The following TANC2 variants were observed in gnomAD, a reference collection of about 807,000 sequenced individuals.
TANC2 encodes the protein tetratricopeptide repeat, ankyrin repeat and coiled-coil containing 2.
In TANC2, 26 loss-of-function variants were observed where a neutral mutation model predicts 210.5. The observed-to-expected ratio is 0.12, with a 90% CI of 0.09 to 0.17. The LOEUF (loss-of-function observed/expected upper bound fraction) is 0.17. TANC2 is among the 10% of genes least tolerant of loss of function. TANC2 has a pLI of 1.00. For missense variants in TANC2, 2,129 were observed against 2,608.9 expected, an observed-to-expected ratio of 0.82 and a Z score of 4.01; for synonymous variants, 931 against 967.1, an observed-to-expected ratio of 0.96 and a Z score of 0.69.
chr17:63,175,073 G>C (rs1355460414), intron 5 of TANC2, among the ~76,000 whole-genome samples: 2 of 151,960 alleles, frequency 1.3e-5, no homozygotes, highest in Non-Finnish European at 2.9e-5. Context: ...ATAATCCAAA[G>C]AAAAAAACTA....
chr17:63,423,052 C>G (rs1291337106), exon 28 of TANC2: 2 of 152,220 alleles, frequency 1.3e-5, no homozygotes, highest in East Asian at 3.8e-4. Flanking sequence ...AGATTGGAAT[C>G]TCTTGGGACC....
At chr17:63,030,530 C>T (rs189981533) in intron 2 of TANC2, among the ~76,000 whole-genome samples, 18 of 152,076 alleles carry the variant, frequency 1.2e-4, no homozygotes, top group South Asian at 6.2e-4. Context: ...CAACTAATCC[C>T]TTCTTGGGTC....
chr17:63,175,255 C>T (rs1277406668), intron 5 of TANC2, among the ~76,000 whole-genome samples: 7 of 151,846 alleles, frequency 4.6e-5, no homozygotes, highest in Non-Finnish European at 1.0e-4. Flanking sequence ...GGACATTGAC[C>T]CTTACCTCAT....
intron 3 of TANC2, among the ~76,000 whole-genome samples, chr17:63,075,341 T>C (rs1548762): frequency 1.5e-3 from 236 of 152,320 alleles, no homozygotes; most frequent in Middle Eastern, 0.01. Flanking sequence ...ATGAGCGTAA[T>C]TGAATTTTAT....
chr17:63,217,718 A>G (rs1398351056), intron 7 of TANC2, among the ~76,000 whole-genome samples: 1 of 152,248 alleles, frequency 6.6e-6, no homozygotes, highest in Non-Finnish European at 1.5e-5. Context: ...AGGAACAACT[A>G]GGAGGCCAAT....
At chr17:63,422,292 T>C (rs555049945) in exon 28 of TANC2, 1 of 223,350 alleles carries the variant, frequency 4.5e-6, no homozygotes, top group Admixed American at 5.1e-5. Context: ...CTGATGTTCT[T>C]GTTGTGTAAT....
intron 12 of TANC2, among the ~76,000 whole-genome samples, chr17:63,349,182 A>T (rs1242336892): frequency 1.3e-5 from 2 of 152,108 alleles, no homozygotes; most frequent in Non-Finnish European, 2.9e-5. Flanking sequence ...GAAGGCAAGT[A>T]CCCCCTTTTA....
chr17:62,988,833 G>A (rs1248981988), intron 1 of TANC2, among the ~76,000 whole-genome samples: 3 of 152,152 alleles, frequency 2.0e-5, no homozygotes, highest in African/African-American at 7.2e-5. Flanking sequence ...AGTACTAGCT[G>A]CAGTTTTTCA....
At chr17:63,137,748 T>C (rs2039140678) in intron 4 of TANC2, among the ~76,000 whole-genome samples, 1 of 152,182 alleles carries the variant, frequency 6.6e-6, no homozygotes, top group Non-Finnish European at 1.5e-5. Flanking sequence ...ATTCTAGGCA[T>C]TGTAATATAA....
chr17:63,377,089 A>C (rs533256678), intron 14 of TANC2, among the ~76,000 whole-genome samples: 6 of 152,206 alleles, frequency 3.9e-5, no homozygotes, highest in Non-Finnish European at 5.9e-5. Flanking sequence ...GCAAGATACA[A>C]AGTCTGGAGA....
Position 63,156,852 on chromosome 17 carries a change from C to T in TANC2, c.433+5472C>T, listed in dbSNP as rs1351441718. 3.9e-5 allele frequency among the ~76,000 whole-genome samples: 6 copies of T among 152,174 alleles called. No individual in the cohort carries two copies. The East Asian group carries it at 1.2e-3, about 29-fold the overall frequency. ...GGGACTACAGACTCATGCCACCACA[C>T]CTGTTTAATTTTTATTTTTGTAGAG... On this transcript the variant is annotated intron_variant, in intron 5 of 27. Coordinates refer to ENST00000689528, the Ensembl canonical transcript of TANC2.
In TANC2 at chr17:63,354,812, G is replaced by A. The variant is rs373471160; in HGVS notation, c.2004G>A (p.Arg668=). Reference sequence around the variant, plus strand: ...TTACCAAGCTGCTGCCTTTCCATAGGATTTTTTTGGATCGACTAGAAGAGA... The same window carrying A: ...TTACCAAGCTGCTGCCTTTCCATAGAATTTTTTTGGATCGACTAGAAGAGA... Residue 668 remains arginine (R), a synonymous_variant, in exon 14 of 28, where the codon AGG becomes AGA. Transcript: ENST00000689528. The A allele has an allele frequency of 5.1e-5, 80 of 1,579,870 alleles. 1 individual carries two copies. Among genetic ancestry groups the A allele is most frequent in the Admixed American group, 4.9e-4 (25 of 51,106 alleles).
chr17:63,135,260 A>C (rs1441759267), intron 4 of TANC2, among the ~76,000 whole-genome samples: 1 of 152,218 alleles, frequency 6.6e-6, no homozygotes, highest in Admixed American at 6.5e-5. Context: ...ATCTTGCCTC[A>C]TACCTTACAG....
At chr17:63,149,131 G>A (rs765655351) in intron 4 of TANC2, 1 of 152,116 alleles carries the variant, frequency 6.6e-6, no homozygotes, top group Non-Finnish European at 1.5e-5. Context: ...AAAGAAGTTG[G>A]TATACATCGA....
chr17:62,996,766 T>C (rs986762883), intron 1 of TANC2, among the ~76,000 whole-genome samples: 6 of 151,882 alleles, frequency 4.0e-5, no homozygotes, highest in Non-Finnish European at 8.8e-5. Context: ...TTGTATTTTT[T>C]AGAGCCTCTC....
Position 63,108,136 on chromosome 17 carries a change from G to A in TANC2, c.322+8779G>A, listed in dbSNP as rs55910441. 1.4e-3 allele frequency among the ~76,000 whole-genome samples: 218 copies of A among 151,802 alleles called. 11 individuals are homozygous for A. The highest frequency in any genetic ancestry group is 5.0e-3 in the African/African-American group (205 of 41,124). ...TATAAATAACTCCCACAAGCTTAGC[G>A]TTCCAATAGTGGAACACTAGGCATA... On this transcript the variant is annotated intron_variant, in intron 4 of 27. Coordinates refer to ENST00000689528, the Ensembl canonical transcript of TANC2.
In TANC2 at chr17:63,095,804, G is replaced by GT. The variant is rs1401245301; in HGVS notation, c.140-3365dup. On this transcript the variant is annotated intron_variant, in intron 3 of 27. Transcript: ENST00000689528. ...CCAGTACTTTAAACATGTATTTTTA[G>GT]TTTTTTCTCTGTAGCTACAATAAGT... is the stretch of plus-strand genomic sequence containing the variant. Among the ~76,000 whole-genome samples the GT allele has an allele frequency of 1.7e-4, 26 of 152,210 alleles. No individual in the cohort carries two copies. In the East Asian group the frequency reaches 4.6e-3, roughly 27 times the overall value.
chr17:62,985,260 G>A (rs893716483), intron 1 of TANC2, among the ~76,000 whole-genome samples: 1 of 151,796 alleles, frequency 6.6e-6, no homozygotes, highest in Non-Finnish European at 1.5e-5. Context: ...AAGACTAATG[G>A]GGATTCCCTT....
At chr17:63,229,542 C>T (rs2464408) in intron 7 of TANC2, among the ~76,000 whole-genome samples, 7,674 of 132,750 alleles carry the variant, frequency 0.058, 273 homozygotes, top group Admixed American at 0.078. Flanking sequence ...GCTATAAATC[C>T]GTCTGGTCCT....
Sources: allele counts gnomAD v4.1 joint callset (sites outside exome capture counted in the v4.1 genomes callset), GRCh38; gene constraint gnomAD v4.1.1; transcripts MANE v1.5; gene names NCBI Gene and HGNC (gene_info 2026-07-23, HGNC 2026-07-21).